NASP: variants seen among roughly 807,000 people sequenced by gnomAD.
NASP encodes the protein nuclear autoantigenic sperm protein, also known as NASP histone chaperone.
In NASP, 24 loss-of-function variants were observed where a neutral mutation model predicts 89.5. The ratio of observed to expected loss-of-function variants is 0.27; its 90% confidence interval spans 0.19 to 0.38. The LOEUF is 0.38. NASP is among the 10% of genes least tolerant of loss of function. The pLI, the probability that NASP is intolerant of heterozygous loss-of-function variation, is 1.00. For synonymous variants in NASP, 306 were observed against 324.7 expected (o/e 0.94, Z 0.62); for missense variants, 848 against 921.4 (o/e 0.92, Z 1.03).
chr1:45,602,541 T>TC (rs1344972400), intron 3 of NASP, among the ~76,000 whole-genome samples, 176 bp downstream of exon 3: 2 of 152,222 alleles, frequency 1.3e-5, no homozygotes, highest in African/African-American at 4.8e-5. Context: ...ACCAAGCAGT[T>TC]CCACCCTTTC....
At chr1:45,584,563 C>G (rs1644500000) in intron 1 of NASP, among the ~76,000 whole-genome samples, 1 of 152,198 alleles carries the variant, frequency 6.6e-6, no homozygotes, top group African/African-American at 2.4e-5. Flanking sequence ...CCTTCTGTCC[C>G]CAGCGTGTGC....
chr1:45,613,138 ATT>A, intron 6 of NASP, 29 bp from the exon 7 acceptor site: 1 of 1,591,058 alleles, frequency 6.3e-7, no homozygotes, highest in Non-Finnish European at 8.5e-7. Context: ...TCTTAGTTAT[ATT>A]CTCAATACTG....
In NASP at chr1:45,616,607, T is replaced by C; in HGVS notation, c.2080-19T>C. On this transcript the variant is annotated intron_variant, in intron 12 of 14. Coordinates refer to ENST00000350030, the MANE Select transcript of NASP (RefSeq NM_002482.4). ...CTCATATAGCTTGTACAATTGCTAA[T>C]AAGGGCTTATTTTGCCAGATTGCCA... 1 of 1,611,198 alleles carries C rather than the reference T, an allele frequency of 6.2e-7. No individual in the cohort carries two copies. Among genetic ancestry groups the C allele is most frequent in the Non-Finnish European group, 8.5e-7 (1 of 1,177,320 alleles).
chr1:45,598,526 G>A (rs768649419), intron 2 of NASP, among the ~76,000 whole-genome samples: 1 of 152,044 alleles, frequency 6.6e-6, no homozygotes, highest in Non-Finnish European at 1.5e-5. Flanking sequence ...GTCCTACAAC[G>A]TCTTTATTAG....
intron 6 of NASP, chr1:45,609,257 ACTT>A (rs762790486): frequency 6.6e-6 from 1 of 152,214 alleles, no homozygotes; most frequent in Non-Finnish European, 1.5e-5. Flanking sequence ...ACTAATTGTT[ACTT>A]CTTGTAATTG....
Position 45,615,311 on chromosome 1 carries a change from T to G in NASP, c.1862T>G (p.Leu621Arg). ...ATCACTTTATTCTTTTTAGCTGTAC[T>G]AAACGAGCAGGTGAAGGAGGCTGAA... Reference protein sequence around the residue: ...IEVIENRMAVLNEQVKEAEGS... With the variant: ...IEVIENRMAVRNEQVKEAEGS... Residue 621 changes from leucine (L) to arginine (R), a missense_variant, in exon 11 of 15, where the codon CTA (leucine) becomes CGA (arginine). Physicochemically the swap from Leu to Arg is moderately radical, Grantham distance 102. Coordinates refer to ENST00000350030, the MANE Select transcript of NASP (RefSeq NM_002482.4). 6.2e-7 allele frequency: 1 copy of G among 1,613,906 alleles called. No individual in the cohort carries two copies. Among genetic ancestry groups the G allele is most frequent in the Non-Finnish European group, 8.5e-7 (1 of 1,179,976 alleles).
intron 1 of NASP, 23 bp from the exon 2 acceptor site, chr1:45,591,200 T>TC (rs1643539108): frequency 6.9e-7 from 1 of 1,458,736 alleles, no homozygotes. Flanking sequence ...TTACATTTTT[T>TC]CCCCTTTAAT....
Position 45,618,711 on chromosome 1 carries a change from G to T in NASP, c.*570G>T, listed in dbSNP as rs1053941. On this transcript the variant is annotated 3_prime_UTR_variant, in exon 15 of 15. Coordinates refer to ENST00000350030, the MANE Select transcript of NASP (RefSeq NM_002482.4). ...CCTAAGGAAAACGGTCTGCATTTGA[G>T]CTCTGGTTTGAAAGTAGCCAAGGGG... 0.17 allele frequency: 26,532 copies of T among 153,306 alleles called. 2,745 individuals are homozygous for T. The highest frequency in any genetic ancestry group is 0.23 in the Non-Finnish European group (15,970 of 68,742). The allele number at this position is 153,306 out of a possible 1,614,324, so 9.5% of individuals were successfully genotyped here. A position where few individuals can be genotyped will look rare whatever the true frequency, so the allele number is the denominator to read the frequency against.
At chr1:45,595,958 C>T (rs547103219) in intron 2 of NASP, among the ~76,000 whole-genome samples, 6 of 152,168 alleles carry the variant, frequency 3.9e-5, no homozygotes, top group African/African-American at 1.2e-4. Flanking sequence ...GGCTTTTATT[C>T]GAAAGAATGT....
chr1:45,588,261 A>C (rs1312545074), intron 1 of NASP, among the ~76,000 whole-genome samples: 5 of 151,490 alleles, frequency 3.3e-5, no homozygotes, highest in African/African-American at 1.2e-4. Context: ...CCGCCACCAC[A>C]CCTGGCTAAT....
chr1:45,617,530 A>ACGG lies in NASP; in HGVS notation c.2226_2228dup (p.Gly744dup). 6.2e-7 allele frequency: 1 copy of ACGG among 1,611,614 alleles called. No homozygotes were observed. The highest frequency in any genetic ancestry group is 1.7e-5 in the Admixed American group (1 of 59,218). On this transcript the variant is annotated inframe_insertion, in exon 14 of 15. Coordinates refer to ENST00000350030, the MANE Select transcript of NASP (RefSeq NM_002482.4). ...AAAGCCAAACAAGAGCCGGAGGTGAACGGAGGCAGTGGGGATGCTGTCCCC... is the reference window on the plus strand; with the variant it reads ...AAAGCCAAACAAGAGCCGGAGGTGAACGGCGGAGGCAGTGGGGATGCTGTCCCC...
intron 2 of NASP, among the ~76,000 whole-genome samples, chr1:45,593,803 G>A (rs1341150749): frequency 3.3e-5 from 5 of 151,010 alleles, no homozygotes; most frequent in African/African-American, 7.3e-5. Context: ...AGGATCACAT[G>A]ACCCCAGGAG....
rs149484870 is a variant in NASP at position 45,616,613 on chromosome 1, C to T, written c.2080-13C>T. On this transcript the variant is annotated splice_polypyrimidine_tract_variant and intron_variant, in intron 12 of 14. Coordinates refer to ENST00000350030, the MANE Select transcript of NASP (RefSeq NM_002482.4). ...TAGCTTGTACAATTGCTAATAAGGG[C>T]TTATTTTGCCAGATTGCCAGTAGAA... 1,142 of 1,612,764 alleles carry T rather than the reference C, an allele frequency of 7.1e-4. 3 individuals carry two copies. The highest frequency in any genetic ancestry group is 4.0e-3 in the Middle Eastern group (24 of 6,058).
At chr1:45,584,246 G>A (rs1466113053) in intron 1 of NASP, 41 bp downstream of exon 1, 9 of 1,536,800 alleles carry the variant, frequency 5.9e-6, no homozygotes, top group Non-Finnish European at 7.9e-6. Flanking sequence ...TGGCCAGTCC[G>A]CGGGGAGGGC....
intron 2 of NASP, among the ~76,000 whole-genome samples, chr1:45,595,339 C>T (rs562355882): frequency 2.6e-5 from 4 of 152,246 alleles, no homozygotes; most frequent in African/African-American, 9.6e-5. Context: ...TATTCTTAAA[C>T]ATTCAACACC....
In NASP at chr1:45,593,525, T is replaced by G. The variant is rs1365827291; in HGVS notation, c.107+2255T>G. Among the ~76,000 whole-genome samples, 4 of 131,054 alleles carry G rather than the reference T, an allele frequency of 3.1e-5. No individual in the cohort carries two copies. In the East Asian group the frequency reaches 8.8e-4, roughly 29 times the overall value. The allele number at this position is 131,054 out of a possible 152,430, so 86.0% of individuals were successfully genotyped here. Reference sequence around the variant, plus strand: ...TCCAGCCTGGGTGACAGAGTGAGACTGTCCCCCCCCAAAAAAAAAAAAAAA... The same window carrying G: ...TCCAGCCTGGGTGACAGAGTGAGACGGTCCCCCCCCAAAAAAAAAAAAAAA... On this transcript the variant is annotated intron_variant, in intron 2 of 14. Transcript: ENST00000350030.
intron 11 of NASP, 66 bp downstream of exon 11, chr1:45,615,537 A>C: frequency 6.7e-7 from 1 of 1,486,768 alleles, no homozygotes; most frequent in Admixed American, 2.1e-5. Flanking sequence ...TCTATTTGCC[A>C]GGAACTTTTC....
At chr1:45,611,284 C>G (rs957876228) in intron 6 of NASP, 1 of 152,118 alleles carries the variant, frequency 6.6e-6, no homozygotes, top group Non-Finnish European at 1.5e-5. Context: ...TACTAGAAGA[C>G]AACCTCTAAT....
chr1:45,604,778 A>C (rs1382402511), intron 3 of NASP, 158 bp from the exon 4 acceptor site: 2 of 577,072 alleles, frequency 3.5e-6, no homozygotes, highest in African/African-American at 3.7e-5. Flanking sequence ...CAAAATTTTC[A>C]TGCATTGTTT....
Sources: gnomAD v4.1 joint callset for allele counts (sites outside exome capture counted in the v4.1 genomes callset) on GRCh38, gnomAD v4.1.1 for gene constraint, MANE v1.5 for transcripts, NCBI Gene and HGNC (gene_info 2026-07-23, HGNC 2026-07-21) for gene names.